The following MGAT4C variants were observed in gnomAD, a reference collection of about 807,000 sequenced individuals.
MGAT4C encodes MGAT4 family member C.
A neutral mutation model predicts 40.1 loss-of-function variants in MGAT4C; 19 were observed. That is an observed-to-expected ratio of 0.47 (90% CI 0.33 to 0.70). The LOEUF (loss-of-function observed/expected upper bound fraction) is 0.70. Among genes scored for constraint, MGAT4C ranks in the 30% least tolerant of loss-of-function variants. The pLI, the probability that MGAT4C is intolerant of heterozygous loss-of-function variation, is 0.02. For missense variants in MGAT4C, 491 were observed against 563.2 expected, an observed-to-expected ratio of 0.87 and a Z score of 1.30; for synonymous variants, 181 against 187.1, an observed-to-expected ratio of 0.97 and a Z score of 0.27.
chr12:86,623,954 G>C (rs992564952), intron 2 of MGAT4C, among the ~76,000 whole-genome samples: 7 of 152,076 alleles, frequency 4.6e-5, no homozygotes, highest in Admixed American at 2.6e-4. Flanking sequence ...ATCCAAATAA[G>C]ATTCAAGTTC....
At chr12:86,784,728 C>A (rs758655992) in intron 1 of MGAT4C, among the ~76,000 whole-genome samples, 14 of 151,048 alleles carry the variant, frequency 9.3e-5, no homozygotes, top group Non-Finnish European at 2.1e-4. Flanking sequence ...GAAGCAAAGA[C>A]TGATCACATA....
At chr12:86,593,315 A>G (rs901977413) in intron 2 of MGAT4C, among the ~76,000 whole-genome samples, 6 of 152,144 alleles carry the variant, frequency 3.9e-5, no homozygotes, top group Admixed American at 2.0e-4. Context: ...AATTGTTTCA[A>G]AGAATCAGCT....
intron 1 of MGAT4C, among the ~76,000 whole-genome samples, chr12:86,183,666 A>G (rs776552413): frequency 7.2e-5 from 11 of 152,110 alleles, no homozygotes; most frequent in Admixed American, 2.0e-4. Context: ...GGACTGGCCA[A>G]TTTGGTTCCT....
chr12:86,758,952 C>G (rs1379919138), intron 1 of MGAT4C, among the ~76,000 whole-genome samples: 1 of 152,046 alleles, frequency 6.6e-6, no homozygotes, highest in Non-Finnish European at 1.5e-5. Flanking sequence ...GTTAACTCTA[C>G]TCATCCTACT....
intron 1 of MGAT4C, among the ~76,000 whole-genome samples, chr12:86,203,850 A>G (rs895186137): frequency 4.6e-5 from 7 of 151,438 alleles, no homozygotes; most frequent in Non-Finnish European, 8.8e-5. Context: ...CCAGCTACTC[A>G]GGAGGCTGAG....
chr12:86,270,289 C>T (rs1397034969), intron 4 of MGAT4C, among the ~76,000 whole-genome samples: 1 of 152,028 alleles, frequency 6.6e-6, no homozygotes, highest in African/African-American at 2.4e-5. Flanking sequence ...AAATGTTGGC[C>T]AGGCTGGTCT....
At chr12:86,704,733 T>C (rs1950425515) in intron 2 of MGAT4C, among the ~76,000 whole-genome samples, 1 of 152,134 alleles carries the variant, frequency 6.6e-6, no homozygotes, top group Non-Finnish European at 1.5e-5. Flanking sequence ...TTTTCTTGCC[T>C]CAAGTCACTA....
chr12:86,560,591 T>A (rs952913202), intron 2 of MGAT4C, among the ~76,000 whole-genome samples: 2 of 152,148 alleles, frequency 1.3e-5, no homozygotes, highest in Admixed American at 1.3e-4. Flanking sequence ...CTCAATATTC[T>A]TTCATGATAA....
intron 2 of MGAT4C, among the ~76,000 whole-genome samples, chr12:86,025,231 C>T (rs1890142582): frequency 6.6e-6 from 1 of 151,102 alleles, no homozygotes; most frequent in Admixed American, 6.6e-5. Context: ...GGTTTGAGAG[C>T]ATAATAAAAA....
chr12:86,727,879 G>C (rs1950849024), intron 1 of MGAT4C, among the ~76,000 whole-genome samples: 1 of 151,674 alleles, frequency 6.6e-6, no homozygotes, highest in Admixed American at 6.6e-5. Context: ...GTAGTGATAT[G>C]ACCACCAGAA....
chr12:86,013,345 C>T (rs1888710961), intron 2 of MGAT4C, among the ~76,000 whole-genome samples: 1 of 152,100 alleles, frequency 6.6e-6, no homozygotes, highest in African/African-American at 2.4e-5. Flanking sequence ...GCTCCGCCTC[C>T]CGGGTTCACG....
At chr12:86,730,867 A>G (rs1284898689) in intron 1 of MGAT4C, among the ~76,000 whole-genome samples, 1 of 152,130 alleles carries the variant, frequency 6.6e-6, no homozygotes, top group Non-Finnish European at 1.5e-5. Flanking sequence ...AACTATTGTT[A>G]TATAATAGAT....
chr12:86,318,307 G>A (rs941988032), intron 4 of MGAT4C, among the ~76,000 whole-genome samples: 7 of 151,902 alleles, frequency 4.6e-5, no homozygotes, highest in Non-Finnish European at 7.4e-5. Flanking sequence ...TTTCCAACAC[G>A]CCTCACATTA....
intron 2 of MGAT4C, among the ~76,000 whole-genome samples, chr12:86,537,176 A>G (rs569599213): frequency 1.3e-5 from 2 of 152,126 alleles, no homozygotes; most frequent in East Asian, 3.9e-4. Flanking sequence ...AACAATGAGA[A>G]CACATGGACA....
In MGAT4C at chr12:86,335,772, C is replaced by T. The variant is rs151070353; in HGVS notation, c.-119-1645G>A. ...TCTCTGGAATGCATGACTATCAAAA[C>T]TCATTGTGCAACCCTTACTGACATT... On this transcript the variant is annotated intron_variant, in intron 3 of 7. Transcript: ENST00000548651. 1.7e-3 allele frequency among the ~76,000 whole-genome samples: 253 copies of T among 152,208 alleles called. 3 individuals are homozygous for T. The highest frequency in any genetic ancestry group is 5.8e-3 in the African/African-American group (243 of 41,548).
At chr12:86,584,547 C>A (rs1960926434) in intron 2 of MGAT4C, among the ~76,000 whole-genome samples, 1 of 151,074 alleles carries the variant, frequency 6.6e-6, no homozygotes, top group Non-Finnish European at 1.5e-5. Flanking sequence ...TTTAATATTT[C>A]TTTTACCTAT....
At chr12:86,208,825 A>C (rs747839677) in intron 1 of MGAT4C, among the ~76,000 whole-genome samples, 12 of 152,144 alleles carry the variant, frequency 7.9e-5, no homozygotes, top group Non-Finnish European at 1.3e-4. Flanking sequence ...AATGTTCTTA[A>C]ATAATAGATT....
intron 1 of MGAT4C, among the ~76,000 whole-genome samples, chr12:86,187,639 T>G (rs1208049199): frequency 1.3e-5 from 2 of 151,802 alleles, no homozygotes; most frequent in East Asian, 1.9e-4. Context: ...ACTAGTTCAT[T>G]GTTACTAAAA....
chr12:86,673,293 T>A (rs1490689496), intron 2 of MGAT4C, among the ~76,000 whole-genome samples: 1 of 152,316 alleles, frequency 6.6e-6, no homozygotes, highest in African/African-American at 2.4e-5. Flanking sequence ...TAGGGTAACT[T>A]TGAGTTAAGC....
Sources: gnomAD v4.1 joint callset for allele counts (sites outside exome capture counted in the v4.1 genomes callset) on GRCh38, gnomAD v4.1.1 for gene constraint, MANE v1.5 for transcripts, NCBI Gene and HGNC (gene_info 2026-07-23, HGNC 2026-07-21) for gene names.